STK32B: variants seen among roughly 807,000 people sequenced by gnomAD.
STK32B encodes the protein serine/threonine-protein kinase 32B.
STK32B carries 43 observed loss-of-function variants against 52.6 expected under a neutral mutation model. The ratio of observed to expected loss-of-function variants is 0.82; its 90% CI spans 0.64 to 1.05. The LOEUF is 1.05. STK32B is among the 50% of genes least tolerant of loss of function. The probability of loss-of-function intolerance (pLI) is 0.00; values close to 1 mark genes in which losing one functional copy is unlikely to be tolerated. For synonymous variants in STK32B, 238 were observed against 204.3 expected, an observed-to-expected ratio of 1.17 and a Z score of -1.41; for missense variants, 621 against 534.6, an observed-to-expected ratio of 1.16 and a Z score of -1.59.
Position 5,382,947 on chromosome 4 carries a change from CTT to C in STK32B, c.435-15259_435-15258del, listed in dbSNP as rs1435614571. ...TGTCAACAGCCAGGGCTCTCTGACT[CTT>C]ATGCGTTTTGGCAGCATGTCCCCTT... On this transcript the variant is annotated intron_variant, in intron 4 of 11. Coordinates refer to ENST00000282908, the MANE Select transcript of STK32B (RefSeq NM_018401.3). 2.0e-5 allele frequency among the ~76,000 whole-genome samples: 3 copies of C among 152,300 alleles called. No individual in the cohort carries two copies. In the East Asian group the frequency reaches 5.8e-4, roughly 29 times the overall value.
At chr4:5,414,564 G>A (rs1376955569) in intron 5 of STK32B, among the ~76,000 whole-genome samples, 1 of 152,182 alleles carries the variant, frequency 6.6e-6, no homozygotes, top group South Asian at 2.1e-4. Flanking sequence ...GGGGAGCACT[G>A]TGGGTATATA....
chr4:5,447,063 C>A, intron 7 of STK32B: 1 of 278,292 alleles, frequency 3.6e-6, no homozygotes, highest in South Asian at 6.9e-5. Flanking sequence ...GCCTTGGCCT[C>A]GTGGTTTCAA....
At chr4:5,244,963 C>G (rs1372119665) in intron 3 of STK32B, among the ~76,000 whole-genome samples, 1 of 152,144 alleles carries the variant, frequency 6.6e-6, no homozygotes, top group Admixed American at 6.5e-5. Context: ...AATTTCTGTT[C>G]TTTTGCATTT....
At chr4:5,451,791 C>T (rs1309561571) in intron 7 of STK32B, among the ~76,000 whole-genome samples, 1 of 152,166 alleles carries the variant, frequency 6.6e-6, no homozygotes, top group Non-Finnish European at 1.5e-5. Flanking sequence ...GCCACATATC[C>T]CCTGGGGGAC....
chr4:5,113,368 A>G (rs1714513445), intron 1 of STK32B, among the ~76,000 whole-genome samples: 1 of 152,192 alleles, frequency 6.6e-6, no homozygotes. Context: ...TCTGTTGTTT[A>G]TAAGCCACCC....
chr4:5,482,469 C>T (rs986219510), intron 11 of STK32B, among the ~76,000 whole-genome samples: 2 of 152,114 alleles, frequency 1.3e-5, no homozygotes, highest in African/African-American at 4.8e-5. Flanking sequence ...TGCTTATCAG[C>T]TTAAGGAGAT....
intron 6 of STK32B, among the ~76,000 whole-genome samples, chr4:5,427,393 A>AATGCT (rs1363970508): frequency 6.6e-6 from 1 of 152,166 alleles, no homozygotes; most frequent in African/African-American, 2.4e-5. Flanking sequence ...GTATTAGAGT[A>AATGCT]ATGCTGGCAA....
chr4:5,176,691 A>G (rs976625558), intron 3 of STK32B, among the ~76,000 whole-genome samples: 1 of 151,958 alleles, frequency 6.6e-6, no homozygotes, highest in African/African-American at 2.4e-5. Flanking sequence ...TGATCTGCCC[A>G]CCTCAGCCTC....
intron 2 of STK32B, 22 bp downstream of exon 2, chr4:5,139,982 C>T: frequency 6.2e-7 from 1 of 1,613,790 alleles, no homozygotes; most frequent in Non-Finnish European, 8.5e-7. Flanking sequence ...AATGTCTGGA[C>T]CACTGGGCTT....
At chr4:5,482,942 T>G (rs2109202968) in intron 11 of STK32B, among the ~76,000 whole-genome samples, 1 of 152,348 alleles carries the variant, frequency 6.6e-6, no homozygotes, top group African/African-American at 2.4e-5. Flanking sequence ...GTAGCCCACT[T>G]GATCATGGTG....
At chr4:5,205,146 C>T (rs1395433193) in intron 3 of STK32B, among the ~76,000 whole-genome samples, 1 of 152,168 alleles carries the variant, frequency 6.6e-6, no homozygotes, top group African/African-American at 2.4e-5. Context: ...TTCAGAGCTC[C>T]AGGTCCTCAG....
At chr4:5,067,135 T>C (rs2108763682) in intron 1 of STK32B, among the ~76,000 whole-genome samples, 1 of 152,316 alleles carries the variant, frequency 6.6e-6, no homozygotes, top group South Asian at 2.1e-4. Flanking sequence ...AAGGTACATC[T>C]TGCATGGCAG....
chr4:5,367,938 G>A (rs1734981387), intron 4 of STK32B, among the ~76,000 whole-genome samples: 1 of 152,154 alleles, frequency 6.6e-6, no homozygotes, highest in Non-Finnish European at 1.5e-5. Flanking sequence ...AGGAACCTGA[G>A]GTGGGGAGGG....
intron 3 of STK32B, among the ~76,000 whole-genome samples, chr4:5,313,881 C>T (rs772244335): frequency 6.6e-6 from 1 of 152,070 alleles, no homozygotes; most frequent in Non-Finnish European, 1.5e-5. Context: ...GTAACAAAAA[C>T]ATTTACACTA....
intron 7 of STK32B, among the ~76,000 whole-genome samples, chr4:5,449,617 C>T (rs1000526816): frequency 2.6e-5 from 4 of 152,072 alleles, no homozygotes; most frequent in African/African-American, 4.8e-5. Flanking sequence ...ACTGGCCGCA[C>T]AGCAGAGCAG....
chr4:5,287,698 T>TA (rs397878534), intron 3 of STK32B, among the ~76,000 whole-genome samples: 4 of 152,108 alleles, frequency 2.6e-5, no homozygotes, highest in African/African-American at 9.7e-5. Flanking sequence ...TCTTTTTTTT[T>TA]ACACAAATGG....
At chr4:5,343,098 C>A (rs184869121) in intron 4 of STK32B, among the ~76,000 whole-genome samples, 383 of 126,430 alleles carry the variant, frequency 3.0e-3, no homozygotes, top group African/African-American at 9.9e-3. Flanking sequence ...TATCCCTCCC[C>A]CCTCCCCCAC....
chr4:5,449,688 C>T (rs1015660626), intron 7 of STK32B, among the ~76,000 whole-genome samples: 8 of 152,120 alleles, frequency 5.3e-5, no homozygotes, highest in South Asian at 2.1e-4. Flanking sequence ...AGCTGCTCCC[C>T]GTCACTCACA....
Position 5,460,732 on chromosome 4 carries a change from G to A in STK32B, c.909+504G>A, listed in dbSNP as rs573446551. Among the ~76,000 whole-genome samples the A allele has an allele frequency of 2.4e-4, 37 of 152,298 alleles. No individual in the cohort carries two copies. The highest frequency in any genetic ancestry group is 8.3e-4 in the South Asian group (4 of 4,826). ...GCAGGGATGGGCACTGAGCCTTCCA[G>A]GCAAAGGGATCGACAAGATCACACT... On this transcript the variant is annotated intron_variant, in intron 9 of 11. Coordinates refer to ENST00000282908, the MANE Select transcript of STK32B (RefSeq NM_018401.3). This position sits in a 1 kb window ranked among gnomAD's most constrained non-coding sequence, Gnocchi z 4.8.
Sources: gnomAD v4.1 joint callset for allele counts (sites outside exome capture counted in the v4.1 genomes callset) on GRCh38, gnomAD v4.1.1 for gene constraint, Gnocchi (gnomAD v3.1) non-coding constraint, MANE v1.5 for transcripts, NCBI Gene and HGNC (gene_info 2026-07-23, HGNC 2026-07-21) for gene names.